The following CYYR1 variants were observed in gnomAD, a reference collection of about 807,000 sequenced individuals.
CYYR1 encodes cysteine and tyrosine rich 1.
A neutral mutation model predicts 15.2 loss-of-function variants in CYYR1; 14 were observed. The observed-to-expected ratio is 0.92, with a 90% CI of 0.61 to 1.44. The LOEUF is 1.44. Ranked by LOEUF, CYYR1 falls within the 40% of genes most tolerant of loss-of-function variation. The pLI, the probability that CYYR1 is intolerant of heterozygous loss-of-function variation, is 0.00. For synonymous variants in CYYR1, 80 were observed against 77.4 expected, an observed-to-expected ratio of 1.03 and a Z score of -0.18; for missense variants, 228 against 209.5, an observed-to-expected ratio of 1.09 and a Z score of -0.54.
chr21:26,509,571 C>T (rs2065617751), intron 2 of CYYR1, among the ~76,000 whole-genome samples: 1 of 152,180 alleles, frequency 6.6e-6, no homozygotes, highest in Non-Finnish European at 1.5e-5. Flanking sequence ...GCAGTGACAA[C>T]TGGCCCTCAG....
intron 2 of CYYR1, among the ~76,000 whole-genome samples, chr21:26,557,097 C>T (rs554796504): frequency 5.9e-5 from 9 of 152,260 alleles, no homozygotes; most frequent in Admixed American, 2.0e-4. Flanking sequence ...TGAGCCTCAT[C>T]CTCCTCATCT....
intron 2 of CYYR1, among the ~76,000 whole-genome samples, chr21:26,500,409 G>A (rs981972636): frequency 6.6e-6 from 1 of 152,154 alleles, no homozygotes; most frequent in East Asian, 1.9e-4. Context: ...AGGGCAATGG[G>A]CCACAATAGG....
chr21:26,548,847 C>T (rs1016957846), intron 2 of CYYR1, among the ~76,000 whole-genome samples: 12 of 152,144 alleles, frequency 7.9e-5, no homozygotes, highest in African/African-American at 2.9e-4. Flanking sequence ...GTCTGAGAAT[C>T]TCTAATTTAA....
chr21:26,485,985 T>C (rs2065243246), intron 2 of CYYR1, among the ~76,000 whole-genome samples: 1 of 152,084 alleles, frequency 6.6e-6, no homozygotes, highest in African/African-American at 2.4e-5. Flanking sequence ...GATAAAGCAT[T>C]AAGTGTAGTG....
chr21:26,531,000 C>A (rs1288964088), intron 2 of CYYR1, among the ~76,000 whole-genome samples: 1 of 152,094 alleles, frequency 6.6e-6, no homozygotes, highest in Non-Finnish European at 1.5e-5. Flanking sequence ...TCAGACAGCT[C>A]CTACAGGAAT....
At chr21:26,571,972 G>C (rs1404602432) in intron 1 of CYYR1, among the ~76,000 whole-genome samples, 1 of 152,120 alleles carries the variant, frequency 6.6e-6, no homozygotes, top group Non-Finnish European at 1.5e-5. Flanking sequence ...TTAATACTCA[G>C]GTGCAACACT....
chr21:26,480,353 A>C lies in CYYR1; in HGVS notation c.253T>G (p.Cys85Gly). Reference protein sequence around the residue: ...GVIAGIAICICMCMKNHRATR... With the variant: ...GVIAGIAICIGMCMKNHRATR... ...GCCCTGTGGTTCTTCATGCACATGC[A>C]GATGCATATGGCAATCCCAGCAATG... Residue 85 changes from cysteine to glycine, a missense_variant, in exon 3 of 4, where the codon TGC becomes GGC. By Grantham distance (159) the Cys-to-Gly change is radical. Coordinates refer to ENST00000652641, the MANE Select transcript of CYYR1 (RefSeq NM_001320768.2). 6.2e-7 allele frequency: 1 copy of C among 1,613,670 alleles called. No individual in the cohort carries two copies. The highest frequency in any genetic ancestry group is 8.5e-7 in the Non-Finnish European group (1 of 1,179,726).
intron 2 of CYYR1, among the ~76,000 whole-genome samples, chr21:26,553,176 G>C (rs1360067715): frequency 6.6e-6 from 1 of 151,972 alleles, no homozygotes; most frequent in Non-Finnish European, 1.5e-5. Flanking sequence ...CCACTTTCCT[G>C]GCCTCTAAGG....
intron 1 of CYYR1, 114 bp from the exon 2 acceptor site, chr21:26,566,482 T>A: frequency 1.3e-6 from 1 of 758,408 alleles, no homozygotes; most frequent in Non-Finnish European, 2.2e-6. Flanking sequence ...TGGTTTTAAA[T>A]CTTCATTTTC....
intron 1 of CYYR1, chr21:26,568,741 G>A (rs541700750): frequency 1.6e-4 from 24 of 152,120 alleles, no homozygotes; most frequent in Non-Finnish European, 2.4e-4. Flanking sequence ...TCTATAAGGA[G>A]GTTAAATAAT....
At chr21:26,530,680 T>G (rs1442842671) in intron 2 of CYYR1, among the ~76,000 whole-genome samples, 1 of 152,142 alleles carries the variant, frequency 6.6e-6, no homozygotes, top group African/African-American at 2.4e-5. Context: ...TTCTCATTGT[T>G]CAACTCCCAC....
At chr21:26,526,522 C>T (rs1432054009) in intron 2 of CYYR1, among the ~76,000 whole-genome samples, 1 of 152,054 alleles carries the variant, frequency 6.6e-6, no homozygotes, top group Non-Finnish European at 1.5e-5. Flanking sequence ...AAACCTCTTA[C>T]TTGTAAAATA....
At chr21:26,469,119 G>C (rs1182709440) in intron 3 of CYYR1, among the ~76,000 whole-genome samples, 1 of 152,154 alleles carries the variant, frequency 6.6e-6, no homozygotes, top group Non-Finnish European at 1.5e-5. Flanking sequence ...CAGAGGCAGA[G>C]GTAGATAAAA....
chr21:26,554,543 T>C (rs542518563), intron 2 of CYYR1, among the ~76,000 whole-genome samples: 52 of 152,152 alleles, frequency 3.4e-4, no homozygotes, highest in African/African-American at 1.1e-3. Flanking sequence ...GCTTTTGCAG[T>C]TATCAGACTG....
At chr21:26,505,994 G>A (rs2065554771) in intron 2 of CYYR1, among the ~76,000 whole-genome samples, 1 of 152,044 alleles carries the variant, frequency 6.6e-6, no homozygotes, top group African/African-American at 2.4e-5. Context: ...TATTAAATAT[G>A]CTGCATGATG....
At chr21:26,531,906 A>G (rs1601799240) in intron 2 of CYYR1, among the ~76,000 whole-genome samples, 1 of 152,162 alleles carries the variant, frequency 6.6e-6, no homozygotes, top group South Asian at 2.1e-4. Flanking sequence ...AGCATGAAGA[A>G]TGCCATACAT....
At chr21:26,550,767 C>T (rs1979328097) in intron 2 of CYYR1, 1 of 152,182 alleles carries the variant, frequency 6.6e-6, no homozygotes, top group Admixed American at 6.5e-5. Context: ...AGGAAAAAGC[C>T]ATCTCCACAA....
intron 2 of CYYR1, among the ~76,000 whole-genome samples, chr21:26,493,429 G>A (rs1053533423): frequency 1.3e-5 from 2 of 152,158 alleles, no homozygotes; most frequent in Non-Finnish European, 2.9e-5. Flanking sequence ...AGTGGGACAG[G>A]AAAGAAGGTG....
At chr21:26,482,734 C>T (rs2065199266) in intron 2 of CYYR1, among the ~76,000 whole-genome samples, 1 of 152,054 alleles carries the variant, frequency 6.6e-6, no homozygotes, top group Non-Finnish European at 1.5e-5. Context: ...GAGGGCATTG[C>T]TTATTGTCTT....
Sources: gnomAD v4.1 joint callset for allele counts (sites outside exome capture counted in the v4.1 genomes callset) on GRCh38, gnomAD v4.1.1 for gene constraint, MANE v1.5 for transcripts, NCBI Gene and HGNC (gene_info 2026-07-23, HGNC 2026-07-21) for gene names.